NCEH1: variants seen among roughly 807,000 people sequenced by gnomAD.
NCEH1 encodes the protein 2-acetyl MAGE hydrolase.
Under a neutral mutation model 25.4 loss-of-function variants are expected in NCEH1, and 9 were observed. That is an observed-to-expected ratio of 0.35 (90% CI 0.21 to 0.62). NCEH1 has a LOEUF of 0.62. Ranked by LOEUF, NCEH1 falls within the 20% of genes least tolerant of loss-of-function variation. The pLI, the probability that NCEH1 is intolerant of heterozygous loss-of-function variation, is 0.72. For missense variants in NCEH1, 412 were observed against 501.1 expected (o/e 0.82, Z 1.70); for synonymous variants, 200 against 199.8 (o/e 1.00, Z -0.01).
chr3:172,687,056 T>C (rs1712738808), intron 1 of NCEH1, among the ~76,000 whole-genome samples: 1 of 152,196 alleles, frequency 6.6e-6, no homozygotes, highest in Non-Finnish European at 1.5e-5. Context: ...ACAATAATGG[T>C]GAGAATTAAA....
chr3:172,645,630 A>C lies in NCEH1; in HGVS notation c.430T>G (p.Ser144Ala). The C allele has an allele frequency of 1.3e-6, 2 of 1,594,612 alleles. No individual in the cohort carries two copies. Among genetic ancestry groups the C allele is most frequent in the Non-Finnish European group, 1.7e-6 (2 of 1,168,050 alleles). ...MAEELNAVIV[S>A]IEYRLVPKVY... ...CTAGCATTAATTACTTACTCAATGG[A>C]AACAATGACAGCATTCAATTCCTCA... The change falls in exon 3 of 5, where the codon TCC becomes GCC. Residue 144 changes from serine to alanine, a missense_variant. By Grantham distance (99) the Ser-to-Ala change is moderately conservative (BLOSUM62 1). Transcript: ENST00000475381.
chr3:172,687,625 A>C (rs1712772235), intron 1 of NCEH1, among the ~76,000 whole-genome samples: 1 of 152,324 alleles, frequency 6.6e-6, no homozygotes, highest in East Asian at 1.9e-4. Context: ...GTCTTGTGGT[A>C]AACTAGAGAA....
intron 1 of NCEH1, among the ~76,000 whole-genome samples, chr3:172,673,769 G>A (rs548374538): frequency 6.6e-6 from 1 of 152,232 alleles, no homozygotes; most frequent in Non-Finnish European, 1.5e-5. Context: ...TCTAATCTAG[G>A]AGGGCTCCAT....
intron 1 of NCEH1, among the ~76,000 whole-genome samples, chr3:172,689,373 C>T (rs1421001296): frequency 6.6e-6 from 1 of 150,798 alleles, no homozygotes; most frequent in Non-Finnish European, 1.5e-5. Flanking sequence ...ATTCTCCTGC[C>T]TCAGCCTCCC....
intron 1 of NCEH1, among the ~76,000 whole-genome samples, chr3:172,671,485 G>C (rs16846030): frequency 0.14 from 20,939 of 145,122 alleles, 1,678 homozygotes; most frequent in East Asian, 0.21. Context: ...GCACAAAACC[G>C]CTGCTACACA....
intron 1 of NCEH1, among the ~76,000 whole-genome samples, chr3:172,677,017 C>CTT (rs1360523967): frequency 4.6e-5 from 7 of 152,192 alleles, no homozygotes; most frequent in Non-Finnish European, 1.0e-4. Context: ...ACCCAAGCTG[C>CTT]TAAAAGCCTC....
intron 1 of NCEH1, among the ~76,000 whole-genome samples, chr3:172,670,378 T>G (rs1274244307): frequency 6.6e-6 from 1 of 152,230 alleles, no homozygotes; most frequent in African/African-American, 2.4e-5. Context: ...GTTTATACTT[T>G]TAAAGTGAAT....
At chr3:172,698,570 C>T (rs1339902148) in intron 1 of NCEH1, among the ~76,000 whole-genome samples, 1 of 152,162 alleles carries the variant, frequency 6.6e-6, no homozygotes, top group East Asian at 1.9e-4. Flanking sequence ...CTCTCAATCT[C>T]TCATGGGGTA....
intron 1 of NCEH1, among the ~76,000 whole-genome samples, chr3:172,668,293 T>C (rs1232580688): frequency 2.1e-5 from 3 of 146,066 alleles, no homozygotes; most frequent in Admixed American, 6.9e-5. Flanking sequence ...GCAGTTTCAG[T>C]AAATAACCCT....
chr3:172,650,191 T>C (rs1157724350), intron 1 of NCEH1, among the ~76,000 whole-genome samples: 2 of 152,128 alleles, frequency 1.3e-5, no homozygotes, highest in Non-Finnish European at 2.9e-5. Flanking sequence ...GGTGTGGGGG[T>C]AGAAGTGCTG....
intron 1 of NCEH1, among the ~76,000 whole-genome samples, chr3:172,686,702 G>A (rs956126172): frequency 1.7e-4 from 26 of 152,292 alleles, no homozygotes; most frequent in African/African-American, 5.3e-4. Context: ...CAAAAGTGGC[G>A]GGTGATCCTG....
At chr3:172,655,988 T>C (rs1173879450) in intron 1 of NCEH1, among the ~76,000 whole-genome samples, 1 of 151,894 alleles carries the variant, frequency 6.6e-6, no homozygotes, top group Non-Finnish European at 1.5e-5. Flanking sequence ...ACTGGAGATA[T>C]TAAGGGGGAA....
intron 1 of NCEH1, among the ~76,000 whole-genome samples, chr3:172,684,171 T>C (rs571138346): frequency 5.9e-5 from 9 of 152,196 alleles, no homozygotes; most frequent in Non-Finnish European, 8.8e-5. Context: ...CCCTAACACT[T>C]ACAACCCCTC....
At chr3:172,688,341 A>AG (rs1382634844) in intron 1 of NCEH1, among the ~76,000 whole-genome samples, 2 of 151,348 alleles carry the variant, frequency 1.3e-5, no homozygotes, top group Non-Finnish European at 2.9e-5. Flanking sequence ...AAAAAAAAAA[A>AG]AAAAAAAAAA....
intron 1 of NCEH1, among the ~76,000 whole-genome samples, chr3:172,666,033 T>C (rs536216613): frequency 6.6e-6 from 1 of 152,304 alleles, no homozygotes; most frequent in East Asian, 1.9e-4. Context: ...GTGCCTCAGT[T>C]GGAAATGCAG....
At chr3:172,680,162 C>T (rs1001464168) in intron 1 of NCEH1, among the ~76,000 whole-genome samples, 1 of 152,096 alleles carries the variant, frequency 6.6e-6, no homozygotes, top group African/African-American at 2.4e-5. Flanking sequence ...AAACATTGGC[C>T]TAGTCAATTA....
At chr3:172,704,795 A>G (rs1713886221) in intron 1 of NCEH1, among the ~76,000 whole-genome samples, 1 of 152,196 alleles carries the variant, frequency 6.6e-6, no homozygotes, top group East Asian at 1.9e-4. Flanking sequence ...ACTCTTCTAA[A>G]CTATACATAG....
At chr3:172,635,701 C>T (rs904560540) in intron 4 of NCEH1, among the ~76,000 whole-genome samples, 1 of 152,108 alleles carries the variant, frequency 6.6e-6, no homozygotes, top group African/African-American at 2.4e-5. Flanking sequence ...AGGGACTTTA[C>T]AAAGACTCAT....
chr3:172,656,639 G>A (rs188088289), intron 1 of NCEH1, among the ~76,000 whole-genome samples: 93 of 152,164 alleles, frequency 6.1e-4, no homozygotes, highest in Admixed American at 2.3e-3. Context: ...GGTGATGCGC[G>A]CCTGTAATCC....
Sources: allele counts gnomAD v4.1 joint callset (sites outside exome capture counted in the v4.1 genomes callset), GRCh38; gene constraint gnomAD v4.1.1; transcripts MANE v1.5; gene names NCBI Gene and HGNC (gene_info 2026-07-23, HGNC 2026-07-21).